The following PCDH15 variants were observed in gnomAD, a reference collection of about 807,000 sequenced individuals.
The protein encoded by PCDH15 is protocadherin related 15.
In PCDH15, 129 loss-of-function variants were observed where a neutral mutation model predicts 178.5. The observed-to-expected ratio is 0.72, with a 90% confidence interval of 0.63 to 0.84. PCDH15 has a LOEUF of 0.84. Among genes scored for constraint, PCDH15 ranks in the 40% least tolerant of loss-of-function variants. PCDH15 has a pLI of 0.00. For synonymous variants in PCDH15, 800 were observed against 732.0 expected (o/e 1.09, Z -1.50); for missense variants, 2,230 against 2,099.9 (o/e 1.06, Z -1.21).
intron 2 of PCDH15, among the ~76,000 whole-genome samples, chr10:55,495,308 TTAAC>T (rs1212501635): frequency 5.3e-5 from 8 of 151,856 alleles, no homozygotes; most frequent in Middle Eastern, 3.4e-3. Context: ...AATATTAACA[TTAAC>T]TAAGTCAAAA....
intron 3 of PCDH15, among the ~76,000 whole-genome samples, chr10:54,522,348 T>C (rs79980073): frequency 0.064 from 9,677 of 152,254 alleles, 329 homozygotes; most frequent in Non-Finnish European, 0.083. Flanking sequence ...TTCAATCACA[T>C]ATGCTCTTTC....
chr10:55,570,712 C>A (rs1842393095), intron 2 of PCDH15, among the ~76,000 whole-genome samples: 1 of 151,988 alleles, frequency 6.6e-6, no homozygotes, highest in African/African-American at 2.4e-5. Flanking sequence ...TTTATCATAT[C>A]TTTGCCTATA....
chr10:55,152,006 T>A (rs912554327), intron 2 of PCDH15, among the ~76,000 whole-genome samples: 13 of 151,948 alleles, frequency 8.6e-5, no homozygotes, highest in Admixed American at 7.9e-4. Flanking sequence ...GTTATGTGGA[T>A]GAAAGAGATG....
At chr10:54,255,336 A>G (rs2056814617) in intron 8 of PCDH15, among the ~76,000 whole-genome samples, 1 of 152,162 alleles carries the variant, frequency 6.6e-6, no homozygotes, top group African/African-American at 2.4e-5. Context: ...TGCTGAAATA[A>G]TTCTTTGCAT....
chr10:55,153,075 T>C (rs988398244), intron 2 of PCDH15, among the ~76,000 whole-genome samples: 1 of 152,152 alleles, frequency 6.6e-6, no homozygotes, highest in African/African-American at 2.4e-5. Flanking sequence ...AAATTATCAT[T>C]ATGTTAATAC....
intron 1 of PCDH15, among the ~76,000 whole-genome samples, chr10:55,187,127 T>C (rs1243843461): frequency 6.6e-6 from 1 of 151,884 alleles, no homozygotes; most frequent in African/African-American, 2.4e-5. Flanking sequence ...ATACACAGAG[T>C]ACTTTCAGTC....
chr10:55,420,310 T>G, intron 2 of PCDH15, among the ~76,000 whole-genome samples: 1 of 83,144 alleles, frequency 1.2e-5, no homozygotes, highest in East Asian at 2.1e-4. Flanking sequence ...GCTCATATGG[T>G]AAAGCTCATA....
At chr10:55,254,618 C>T (rs1841939011) in intron 1 of PCDH15, among the ~76,000 whole-genome samples, 2 of 152,076 alleles carry the variant, frequency 1.3e-5, no homozygotes, top group African/African-American at 4.8e-5. Flanking sequence ...CTCAAGGAAC[C>T]TACCATTTTT....
intron 3 of PCDH15, among the ~76,000 whole-genome samples, chr10:54,421,771 G>T (rs1167885088): frequency 7.7e-6 from 1 of 130,468 alleles, no homozygotes; most frequent in Non-Finnish European, 1.6e-5. Flanking sequence ...CACTATATAG[G>T]TTTGTGTTAG....
chr10:54,225,905 T>C (rs749394923), intron 9 of PCDH15, among the ~76,000 whole-genome samples: 1 of 152,176 alleles, frequency 6.6e-6, no homozygotes. Context: ...AAGCAAGGAA[T>C]CTTGAGGGAG....
intron 2 of PCDH15, among the ~76,000 whole-genome samples, chr10:55,090,738 T>C (rs1381825774): frequency 1.3e-5 from 2 of 152,080 alleles, no homozygotes; most frequent in Admixed American, 1.3e-4. Context: ...TTTGAAGAAC[T>C]GTGAAGGTCA....
intron 3 of PCDH15, among the ~76,000 whole-genome samples, chr10:54,524,522 AG>A (rs1354319255): frequency 1.3e-5 from 2 of 152,218 alleles, no homozygotes; most frequent in African/African-American, 4.8e-5. Flanking sequence ...GCTGGCACTC[AG>A]TGGCAGGTCT....
At chr10:55,364,641 C>A (rs1190764758) in intron 2 of PCDH15, among the ~76,000 whole-genome samples, 2 of 152,030 alleles carry the variant, frequency 1.3e-5, no homozygotes, top group Non-Finnish European at 2.9e-5. Flanking sequence ...TTTTCAGGCT[C>A]ATGTCTTCAA....
At chr10:54,537,152 C>T (rs2084660907) in intron 2 of PCDH15, among the ~76,000 whole-genome samples, 1 of 151,982 alleles carries the variant, frequency 6.6e-6, no homozygotes, top group African/African-American at 2.4e-5. Flanking sequence ...GCGCCCGCTA[C>T]CATGCCCAGC....
intron 1 of PCDH15, among the ~76,000 whole-genome samples, chr10:55,281,720 A>G (rs1033394656): frequency 6.6e-6 from 1 of 152,248 alleles, no homozygotes; most frequent in East Asian, 1.9e-4. Flanking sequence ...AAAAACTTAA[A>G]TTCTTCAAAG....
chr10:53,938,134 C>A (rs1359394021), intron 25 of PCDH15, among the ~76,000 whole-genome samples: 2 of 152,054 alleles, frequency 1.3e-5, no homozygotes, highest in Non-Finnish European at 2.9e-5. Context: ...GTTCCCTTCA[C>A]AAATTGGCTT....
chr10:54,681,216 C>CA (rs1237858565), intron 1 of PCDH15, among the ~76,000 whole-genome samples: 1 of 152,112 alleles, frequency 6.6e-6, no homozygotes, highest in African/African-American at 2.4e-5. Context: ...GAGTAGAAAT[C>CA]AAGAGTTTGG....
At chr10:55,366,434 C>A (rs981962659) in intron 2 of PCDH15, among the ~76,000 whole-genome samples, 1 of 152,104 alleles carries the variant, frequency 6.6e-6, no homozygotes, top group African/African-American at 2.4e-5. Context: ...AAACTATTAA[C>A]ATTCCTATGT....
intron 18 of PCDH15, among the ~76,000 whole-genome samples, chr10:54,032,356 A>G (rs983348722): frequency 6.6e-6 from 1 of 151,864 alleles, no homozygotes; most frequent in South Asian, 2.1e-4. Flanking sequence ...TCATTTTTTA[A>G]TAGCCCACAT....
Sources: gnomAD v4.1 joint callset for allele counts (sites outside exome capture counted in the v4.1 genomes callset) on GRCh38, gnomAD v4.1.1 for gene constraint, MANE v1.5 for transcripts, NCBI Gene and HGNC (gene_info 2026-07-23, HGNC 2026-07-21) for gene names.